PDE1A: variants seen among roughly 807,000 people sequenced by gnomAD.
The protein encoded by PDE1A is phosphodiesterase 1A.
PDE1A carries 35 observed loss-of-function variants against 61.7 expected under a neutral mutation model. The observed-to-expected ratio is 0.57, with a 90% confidence interval of 0.43 to 0.75. The LOEUF is 0.75. Among genes scored for constraint, PDE1A ranks in the 30% least tolerant of loss-of-function variants. PDE1A has a pLI of 0.00. For synonymous variants in PDE1A, 232 were observed against 213.2 expected, an observed-to-expected ratio of 1.09 and a Z score of -0.77; for missense variants, 597 against 630.6, an observed-to-expected ratio of 0.95 and a Z score of 0.57.
chr2:182,689,548 T>C, the PDE1A span, among the ~76,000 whole-genome samples: 4 of 152,144 alleles, frequency 2.6e-5, no homozygotes, highest in Non-Finnish European at 4.4e-5. Flanking sequence ...GGGAAATTTA[T>C]AGCGCTAAAT....
At chr2:182,282,179 T>C (rs2080750437) in intron 1 of PDE1A, among the ~76,000 whole-genome samples, 1 of 151,944 alleles carries the variant, frequency 6.6e-6, no homozygotes, top group Admixed American at 6.6e-5. Flanking sequence ...TTACCACTAT[T>C]CCACTCACTT....
At chr2:182,212,663 C>T (rs1687737921) in intron 7 of PDE1A, among the ~76,000 whole-genome samples, 1 of 152,204 alleles carries the variant, frequency 6.6e-6, no homozygotes, top group Non-Finnish European at 1.5e-5. Flanking sequence ...ATGGACGGCA[C>T]CTGGAAAATT....
At chr2:182,149,156 G>A (rs1163419085) in intron 13 of PDE1A, among the ~76,000 whole-genome samples, 1 of 152,038 alleles carries the variant, frequency 6.6e-6, no homozygotes, top group Non-Finnish European at 1.5e-5. Context: ...AAAAAGAACA[G>A]ACTGAATTAC....
chr2:182,233,915 T>C (rs1689789567), intron 4 of PDE1A, among the ~76,000 whole-genome samples: 1 of 151,278 alleles, frequency 6.6e-6, no homozygotes, highest in South Asian at 2.1e-4. Flanking sequence ...TAGAATAGTG[T>C]AGCCACAGGA....
chr2:182,491,765 A>ACTGTTT (rs56972750), intron 2 of PDE1A, among the ~76,000 whole-genome samples: 63,005 of 151,482 alleles, frequency 0.42, 13,308 homozygotes, highest in African/African-American at 0.47. Context: ...ATATTCTCAT[A>ACTGTTT]CTTTTTCCTT....
chr2:182,567,560 A>G, the PDE1A span, among the ~76,000 whole-genome samples: 1 of 152,186 alleles, frequency 6.6e-6, no homozygotes, highest in Non-Finnish European at 1.5e-5. Flanking sequence ...AAATCTCTTT[A>G]CTAGGTTTTC....
exon 15 of PDE1A, chr2:182,140,419 A>G (rs1690178102): frequency 6.6e-6 from 1 of 152,226 alleles, no homozygotes; most frequent in South Asian, 2.1e-4. Context: ...GTTTCCCCCA[A>G]TTTCTCCAAC....
intron 2 of PDE1A, among the ~76,000 whole-genome samples, chr2:182,498,334 A>AGAATG (rs764970266): frequency 2.7e-4 from 41 of 152,278 alleles, no homozygotes; most frequent in Non-Finnish European, 4.6e-4. Flanking sequence ...ACATAGCAAA[A>AGAATG]GAATGGAATG....
At chr2:182,690,792 G>T in the PDE1A span, among the ~76,000 whole-genome samples, 1 of 152,138 alleles carries the variant, frequency 6.6e-6, no homozygotes, top group Admixed American at 6.5e-5. Context: ...CATCATCTCA[G>T]CCCAAAATCT....
intron 1 of PDE1A, among the ~76,000 whole-genome samples, chr2:182,274,544 C>T (rs558812141): frequency 6.6e-6 from 1 of 151,988 alleles, no homozygotes; most frequent in East Asian, 1.9e-4. Flanking sequence ...TCTTGAAAGG[C>T]CAATTTTTTG....
intron 2 of PDE1A, among the ~76,000 whole-genome samples, chr2:182,501,489 G>C (rs2125917819): frequency 6.6e-6 from 1 of 152,276 alleles, no homozygotes; most frequent in African/African-American, 2.4e-5. Context: ...CTTTCAAACA[G>C]CCTCTTCTGT....
At chr2:182,516,296 C>G (rs1690143358) in intron 2 of PDE1A, among the ~76,000 whole-genome samples, 1 of 152,004 alleles carries the variant, frequency 6.6e-6, no homozygotes, top group South Asian at 2.1e-4. Flanking sequence ...GTAGCACAGA[C>G]GAGTTAAGTC....
the PDE1A span, among the ~76,000 whole-genome samples, chr2:182,594,100 T>G: frequency 6.6e-6 from 1 of 152,220 alleles, no homozygotes; most frequent in African/African-American, 2.4e-5. Flanking sequence ...AAAGACCTGC[T>G]GAAATAATAA....
At chr2:182,212,635 G>A (rs1024838174) in intron 7 of PDE1A, among the ~76,000 whole-genome samples, 8 of 152,296 alleles carry the variant, frequency 5.3e-5, no homozygotes, top group Middle Eastern at 3.4e-3. Context: ...TTCCCTTTCC[G>A]AGTCAAAGAA....
chr2:182,643,744 C>G, the PDE1A span, among the ~76,000 whole-genome samples: 3 of 151,814 alleles, frequency 2.0e-5, no homozygotes, highest in African/African-American at 7.3e-5. Flanking sequence ...CAGGGGGACA[C>G]TACAATAACA....
intron 4 of PDE1A, among the ~76,000 whole-genome samples, chr2:182,232,555 T>C (rs1421842521): frequency 6.6e-6 from 1 of 152,240 alleles, no homozygotes; most frequent in Non-Finnish European, 1.5e-5. Context: ...AATGGTATTT[T>C]TAATCACTTG....
chr2:182,623,998 G>A, the PDE1A span, among the ~76,000 whole-genome samples: 1 of 151,290 alleles, frequency 6.6e-6, no homozygotes, highest in Admixed American at 6.6e-5. Flanking sequence ...AGTGGCGGGC[G>A]CCTGTAGTCC....
intron 2 of PDE1A, among the ~76,000 whole-genome samples, chr2:182,253,335 G>T (rs1691542307): frequency 6.6e-6 from 1 of 152,210 alleles, no homozygotes; most frequent in Admixed American, 6.5e-5. Context: ...GTTGACTCCA[G>T]TAAGGGATTT....
At chr2:182,571,193 G>C in the PDE1A span, among the ~76,000 whole-genome samples, 1 of 152,078 alleles carries the variant, frequency 6.6e-6, no homozygotes, top group East Asian at 1.9e-4. Context: ...TATTTTCATG[G>C]ATGAAACTGA....
Sources: gnomAD v4.1 joint callset for allele counts (sites outside exome capture counted in the v4.1 genomes callset) on GRCh38, gnomAD v4.1.1 for gene constraint, MANE v1.5 for transcripts, NCBI Gene and HGNC (gene_info 2026-07-23, HGNC 2026-07-21) for gene names.